OXCT1: variants seen among roughly 807,000 people sequenced by gnomAD.
OXCT1 encodes succinyl-CoA:3-ketoacid coenzyme A transferase 1, mitochondrial.
In OXCT1, 27 loss-of-function variants were observed where a neutral mutation model predicts 69.6. That is an observed-to-expected ratio of 0.39 (90% CI 0.29 to 0.54). The LOEUF (loss-of-function observed/expected upper bound fraction) is 0.54, where lower values mean the gene tolerates loss of function less well. Ranked by LOEUF, OXCT1 falls within the 20% of genes least tolerant of loss-of-function variation. The pLI is 0.72. For missense variants in OXCT1, 437 were observed against 650.2 expected (o/e 0.67, Z 3.57); for synonymous variants, 202 against 217.8 (o/e 0.93, Z 0.64).
At chr5:41,794,854 C>T (rs1291977693) in intron 11 of OXCT1, 105 bp from the exon 12 acceptor site, 15 of 1,245,828 alleles carry the variant, frequency 1.2e-5, no homozygotes, top group Non-Finnish European at 1.7e-5. Flanking sequence ...AACTTAAGCT[C>T]CCTTTACCAA....
At chr5:41,849,683 A>G (rs577827049) in intron 5 of OXCT1, among the ~76,000 whole-genome samples, 110 of 152,282 alleles carry the variant, frequency 7.2e-4, no homozygotes, top group Non-Finnish European at 1.3e-3. Context: ...AGAGTTTGCT[A>G]GCATGCATAC....
chr5:41,862,027 A>G (rs9687619), intron 2 of OXCT1, among the ~76,000 whole-genome samples: 27,729 of 152,160 alleles, frequency 0.18, 2,742 homozygotes, highest in Middle Eastern at 0.28. Flanking sequence ...ACTGGCCAAC[A>G]TGGTGAAACC....
At position 41,730,216 on chromosome 5, in the gene OXCT1, A is replaced by C. The variant is rs1742542699; in HGVS notation, c.*1513T>G. ...AAGTTTGAAGATGTAACTATCAACA[A>C]TTCTTTTCAAAATCATATCAATATA... On this transcript the variant is annotated 3_prime_UTR_variant, in exon 17 of 17. Coordinates refer to ENST00000196371, the MANE Select transcript of OXCT1 (RefSeq NM_000436.4). The C allele has an allele frequency of 6.6e-6, 1 of 152,260 alleles. No individual in the cohort carries two copies. Among genetic ancestry groups the C allele is most frequent in the Non-Finnish European group, 1.5e-5 (1 of 68,046 alleles). 9.4% of individuals were successfully genotyped at this position (152,260 alleles called of 1,614,324 possible).
chr5:41,781,278 T>G (rs888086550), intron 13 of OXCT1, among the ~76,000 whole-genome samples: 28 of 152,142 alleles, frequency 1.8e-4, no homozygotes, highest in African/African-American at 6.8e-4. Context: ...TGTATTGGGT[T>G]TGCTTACCAC....
chr5:41,753,104 T>C (rs908541167), intron 14 of OXCT1, among the ~76,000 whole-genome samples: 2 of 152,140 alleles, frequency 1.3e-5, no homozygotes, highest in African/African-American at 2.4e-5. Context: ...TTTCATGTTA[T>C]TGCAATGAAC....
At chr5:41,859,068 C>G (rs192637131) in intron 3 of OXCT1, among the ~76,000 whole-genome samples, 13 of 152,310 alleles carry the variant, frequency 8.5e-5, no homozygotes, top group Admixed American at 7.2e-4. Context: ...TCATCCTACT[C>G]CATCCTGCCC....
At position 41,811,239 on chromosome 5, in the gene OXCT1, A is replaced by G. The variant is rs139852416; in HGVS notation, c.733-3801T>C. Among the ~76,000 whole-genome samples the G allele has an allele frequency of 5.9e-5, 9 of 152,144 alleles. No individual in the cohort carries two copies. In the East Asian group the frequency reaches 1.7e-3, roughly 29 times the overall value. On this transcript the variant is annotated intron_variant, in intron 7 of 16. Coordinates refer to ENST00000196371, the MANE Select transcript of OXCT1 (RefSeq NM_000436.4). Reference sequence around the variant, plus strand: ...AAATGTGAGTAAGACCTCACGTTCAATAGATAAATAGGATAACTATAGTTA... The same window carrying G: ...AAATGTGAGTAAGACCTCACGTTCAGTAGATAAATAGGATAACTATAGTTA...
chr5:41,776,969 A>G (rs2112162833), intron 13 of OXCT1, among the ~76,000 whole-genome samples: 1 of 152,338 alleles, frequency 6.6e-6, no homozygotes, highest in South Asian at 2.1e-4. Flanking sequence ...CCTCTGTTCT[A>G]TGACAAATGA....
chr5:41,798,046 A>C (rs1038059974), intron 11 of OXCT1, among the ~76,000 whole-genome samples: 2 of 152,180 alleles, frequency 1.3e-5, no homozygotes, highest in African/African-American at 4.8e-5. Flanking sequence ...ATGGGCTGGA[A>C]CTTGAAGGAT....
At chr5:41,813,411 G>A (rs1407038754) in intron 7 of OXCT1, among the ~76,000 whole-genome samples, 1 of 151,942 alleles carries the variant, frequency 6.6e-6, no homozygotes, top group Non-Finnish European at 1.5e-5. Flanking sequence ...GAATCTCATG[G>A]GTCAATTCAC....
chr5:41,865,756 AGAT>A (rs1749934277), intron 1 of OXCT1, among the ~76,000 whole-genome samples: 1 of 152,202 alleles, frequency 6.6e-6, no homozygotes, highest in Admixed American at 6.5e-5. Context: ...GTTTACAAAA[AGAT>A]GATAATTGTT....
At chr5:41,822,354 A>C (rs1747596489) in intron 7 of OXCT1, among the ~76,000 whole-genome samples, 1 of 152,154 alleles carries the variant, frequency 6.6e-6, no homozygotes. Flanking sequence ...CATAAACACT[A>C]AGAATTTTTC....
At chr5:41,761,478 A>C (rs1744343491) in intron 14 of OXCT1, among the ~76,000 whole-genome samples, 1 of 152,074 alleles carries the variant, frequency 6.6e-6, no homozygotes, top group African/African-American at 2.4e-5. Context: ...GAAGAGGAAA[A>C]AGACTGAATG....
In OXCT1 at chr5:41,731,303, G is replaced by GA; in HGVS notation, c.*425dup. On this transcript the variant is annotated 3_prime_UTR_variant, in exon 17 of 17. Transcript: ENST00000196371. ...AAAAGAAAAGTCAGAGGAGGCTGAA[G>GA]AAAAAACAATCATGACAGCAACTCT... is the stretch of plus-strand genomic sequence containing the variant. The GA allele has an allele frequency of 2.2e-6, 2 of 918,844 alleles. No individual in the cohort carries two copies. The highest frequency in any genetic ancestry group is 2.6e-6 in the Non-Finnish European group (2 of 763,040). The allele number at this position is 918,844 out of a possible 1,614,324, so 56.9% of individuals were successfully genotyped here.
At position 41,870,200 on chromosome 5, in the gene OXCT1, C is replaced by T. The variant is rs1473089961; in HGVS notation, c.78+81G>A. 9.3e-7 allele frequency: 1 copy of T among 1,075,944 alleles called. No individual in the cohort carries two copies. The highest frequency in any genetic ancestry group is 1.4e-6 in the Non-Finnish European group (1 of 698,832). 66.6% of individuals were successfully genotyped at this position (1,075,944 alleles called of 1,614,324 possible). A position where few individuals can be genotyped will look rare whatever the true frequency, so the allele number is the denominator to read the frequency against. On this transcript the variant is annotated intron_variant, in intron 1 of 16. Coordinates refer to ENST00000196371, the MANE Select transcript of OXCT1 (RefSeq NM_000436.4). This position sits in a 1 kb window ranked among gnomAD's most constrained non-coding sequence, Gnocchi z 4.2. ...CCAGGCTGGAGAGAGCGGGTAGGGG[C>T]AGAGAAGAAAACGCGGGCACCACTC...
chr5:41,778,402 T>C (rs2112168522), intron 13 of OXCT1, among the ~76,000 whole-genome samples: 1 of 152,338 alleles, frequency 6.6e-6, no homozygotes, highest in South Asian at 2.1e-4. Context: ...GAACGGTAAA[T>C]GTAAAATACT....
In OXCT1 at chr5:41,801,018, T is replaced by C; in HGVS notation, c.1099+4A>G. Reference sequence around the variant, plus strand: ...AGGGAAGGGCTAGAAATAAGTGAGCTTACCTGCATTGATGAGATCTGCATC... The same window carrying C: ...AGGGAAGGGCTAGAAATAAGTGAGCCTACCTGCATTGATGAGATCTGCATC... On this transcript the variant is annotated splice_donor_region_variant and intron_variant, in intron 11 of 16. Transcript: ENST00000196371. The C allele has an allele frequency of 6.2e-7, 1 of 1,611,182 alleles. No individual in the cohort carries two copies. The highest frequency in any genetic ancestry group is 8.5e-7 in the Non-Finnish European group (1 of 1,177,438).
intron 1 of OXCT1, among the ~76,000 whole-genome samples, chr5:41,863,251 G>A (rs1749823885): frequency 6.6e-6 from 1 of 152,054 alleles, no homozygotes; most frequent in South Asian, 2.1e-4. Context: ...GGATAAGGGA[G>A]GATACTATAT....
intron 8 of OXCT1, 34 bp downstream of exon 8, chr5:41,807,297 C>T (rs776070320): frequency 9.1e-7 from 1 of 1,104,838 alleles, no homozygotes; most frequent in Non-Finnish European, 1.4e-6. Context: ...GTAACTGGAT[C>T]CATGAATACT....
Sources: gnomAD v4.1 joint callset for allele counts (sites outside exome capture counted in the v4.1 genomes callset) on GRCh38, gnomAD v4.1.1 for gene constraint, Gnocchi (gnomAD v3.1) non-coding constraint, MANE v1.5 for transcripts, NCBI Gene and HGNC (gene_info 2026-07-23, HGNC 2026-07-21) for gene names.